Variants in ELP4 observed in about 807,000 individuals in gnomAD.
ELP4 encodes the protein elongator complex protein 4.
A neutral mutation model predicts 48.9 loss-of-function variants in ELP4; 51 were observed. The observed-to-expected ratio is 1.04, with a 90% confidence interval of 0.83 to 1.32. The LOEUF is 1.32. ELP4 is among the 40% of genes most tolerant of loss of function. The probability of loss-of-function intolerance (pLI) is 0.00; values close to 1 mark genes in which losing one functional copy is unlikely to be tolerated. For missense variants in ELP4, 519 were observed against 514.6 expected (o/e 1.01, Z -0.08); for synonymous variants, 210 against 189.2 (o/e 1.11, Z -0.90).
At chr11:31,652,396 A>T (rs1945339375) in intron 9 of ELP4, 1 of 151,746 alleles carries the variant, frequency 6.6e-6, no homozygotes, top group African/African-American at 2.4e-5. Context: ...ACCTAAAAGT[A>T]AATGTTTTAA....
chr11:31,604,390 C>A (rs1297727514), intron 5 of ELP4, among the ~76,000 whole-genome samples: 1 of 151,676 alleles, frequency 6.6e-6, no homozygotes, highest in African/African-American at 2.4e-5. Context: ...CTATTTCTGG[C>A]TCTGCTGTAA....
chr11:31,545,359 C>T (rs528162095), intron 3 of ELP4, among the ~76,000 whole-genome samples: 4 of 151,980 alleles, frequency 2.6e-5, no homozygotes, highest in South Asian at 2.1e-4. Context: ...GTAGCCGATG[C>T]GATCAACTGG....
rs2134408618 is a variant in ELP4, at chr11:31,790,234, A to G, written c.*6710A>G. 5.7e-6 allele frequency: 3 copies of G among 526,228 alleles called. No homozygotes were observed. The highest frequency in any genetic ancestry group is 9.7e-6 in the Non-Finnish European group (3 of 308,748). The allele number at this position is 526,228 out of a possible 1,614,324, so 32.6% of individuals were successfully genotyped here. On this transcript the variant is annotated 3_prime_UTR_variant, in exon 10 of 10. Transcript: ENST00000640961. ...TATATATACCTATTGGATCCCAAGT[A>G]CCCCCCACCCCAATCCAAAGGAAAA...
chr11:31,514,445 A>G (rs913870322), intron 1 of ELP4, among the ~76,000 whole-genome samples: 22 of 152,200 alleles, frequency 1.4e-4, no homozygotes, highest in African/African-American at 4.8e-4. Flanking sequence ...GGTGACAGTG[A>G]GACCCCATCT....
At chr11:31,728,231 G>A (rs1036279017) in intron 9 of ELP4, among the ~76,000 whole-genome samples, 11 of 152,028 alleles carry the variant, frequency 7.2e-5, no homozygotes, top group South Asian at 2.1e-4. Context: ...TTAAGAATGC[G>A]AAGGGCATTT....
At chr11:31,708,093 A>T (rs978318942) in intron 9 of ELP4, among the ~76,000 whole-genome samples, 8 of 152,160 alleles carry the variant, frequency 5.3e-5, no homozygotes, top group African/African-American at 1.9e-4. Context: ...TAAAAATATC[A>T]TCGTTCTCTT....
chr11:31,777,680 T>G (rs1214618354), intron 9 of ELP4, among the ~76,000 whole-genome samples: 2 of 152,222 alleles, frequency 1.3e-5, no homozygotes, highest in Admixed American at 1.3e-4. Flanking sequence ...TGTCCAACTT[T>G]CAGGTCTTGC....
intron 5 of ELP4, among the ~76,000 whole-genome samples, chr11:31,616,325 C>CA (rs1944483000): frequency 6.6e-6 from 1 of 151,962 alleles, no homozygotes; most frequent in African/African-American, 2.4e-5. Flanking sequence ...CAAGGTCACT[C>CA]ACAAGGACTG....
intron 9 of ELP4, among the ~76,000 whole-genome samples, chr11:31,655,203 AT>A (rs1314880608): frequency 6.6e-6 from 1 of 151,988 alleles, no homozygotes; most frequent in African/African-American, 2.4e-5. Flanking sequence ...ATATAATAGC[AT>A]TACATAGGTT....
intron 5 of ELP4, among the ~76,000 whole-genome samples, chr11:31,626,679 TTGA>T (rs1294957747): frequency 2.0e-5 from 3 of 151,446 alleles, no homozygotes; most frequent in African/African-American, 7.3e-5. Flanking sequence ...AAAATTAACT[TTGA>T]TGGAAGATGA....
chr11:31,776,227 G>A (rs538257853), intron 9 of ELP4, among the ~76,000 whole-genome samples: 2 of 151,426 alleles, frequency 1.3e-5, no homozygotes, highest in East Asian at 1.9e-4. Context: ...TCCTCACCCT[G>A]TAGGATGGGG....
intron 9 of ELP4, among the ~76,000 whole-genome samples, chr11:31,680,119 C>A (rs905695544): frequency 6.6e-6 from 1 of 152,056 alleles, no homozygotes; most frequent in South Asian, 2.1e-4. Flanking sequence ...TCCCTGTGAC[C>A]CCAATTATCT....
chr11:31,663,417 A>G (rs1945603629), intron 9 of ELP4: 1 of 152,022 alleles, frequency 6.6e-6, no homozygotes, highest in East Asian at 1.9e-4. Context: ...TCAACTTTAA[A>G]TGTGATATTG....
chr11:31,588,110 TG>T (rs1222711505), intron 3 of ELP4, among the ~76,000 whole-genome samples: 4 of 152,308 alleles, frequency 2.6e-5, no homozygotes, highest in Non-Finnish European at 4.4e-5. Context: ...ATATTGTTTA[TG>T]TTATACTCCA....
At chr11:31,578,727 G>A (rs1957332445) in intron 3 of ELP4, among the ~76,000 whole-genome samples, 1 of 152,174 alleles carries the variant, frequency 6.6e-6, no homozygotes, top group Admixed American at 6.5e-5. Context: ...GGGAAAACTG[G>A]CTAGCCACAT....
intron 9 of ELP4, among the ~76,000 whole-genome samples, chr11:31,749,957 G>A (rs1281351963): frequency 2.6e-5 from 4 of 151,198 alleles, no homozygotes; most frequent in South Asian, 2.1e-4. Context: ...CCAGGTTCAC[G>A]CCATTCTCCT....
At chr11:31,714,324 G>A (rs1023473709) in intron 9 of ELP4, among the ~76,000 whole-genome samples, 1 of 152,086 alleles carries the variant, frequency 6.6e-6, no homozygotes, top group Non-Finnish European at 1.5e-5. Context: ...GGACATTCTA[G>A]TGACTAAAAT....
At chr11:31,600,638 A>C (rs1040287365) in intron 4 of ELP4, 15 of 152,218 alleles carry the variant, frequency 9.9e-5, no homozygotes, top group African/African-American at 3.6e-4. Flanking sequence ...AATTTACAGA[A>C]TATTCATTGC....
At chr11:31,624,732 TCA>T (rs1592168676) in intron 5 of ELP4, among the ~76,000 whole-genome samples, 2 of 151,846 alleles carry the variant, frequency 1.3e-5, no homozygotes, top group African/African-American at 4.8e-5. Context: ...AAAACACACT[TCA>T]CACAATTCTA....
Sources: allele counts gnomAD v4.1 joint callset (sites outside exome capture counted in the v4.1 genomes callset), GRCh38; gene constraint gnomAD v4.1.1; transcripts MANE v1.5; gene names NCBI Gene and HGNC (gene_info 2026-07-23, HGNC 2026-07-21).